LRP1B: variants seen among roughly 807,000 people sequenced by gnomAD.
LRP1B encodes the protein low-density lipoprotein receptor-related protein 1B.
Under a neutral mutation model 556.6 loss-of-function variants are expected in LRP1B, and 217 were observed. The observed-to-expected ratio is 0.39, with a 90% CI of 0.35 to 0.44. The LOEUF (loss-of-function observed/expected upper bound fraction) is 0.44. Ranked by LOEUF, LRP1B falls within the 20% of genes least tolerant of loss-of-function variation. LRP1B has a pLI of 1.00. For synonymous variants in LRP1B, 2,047 were observed against 1,865.8 expected (o/e 1.10, Z -2.50); for missense variants, 5,053 against 5,620.8 (o/e 0.90, Z 3.23).
At chr2:141,265,485 T>C (rs1684851252) in intron 3 of LRP1B, among the ~76,000 whole-genome samples, 1 of 152,182 alleles carries the variant, frequency 6.6e-6, no homozygotes, top group African/African-American at 2.4e-5. Flanking sequence ...ATAAGAGCCT[T>C]GAGGTCTATG....
chr2:140,608,830 C>G (rs522269), intron 41 of LRP1B, among the ~76,000 whole-genome samples: 26 of 127,948 alleles, frequency 2.0e-4, no homozygotes, highest in East Asian at 1.2e-3. Context: ...TGATTTGTTT[C>G]TTTGTTTGTT....
intron 35 of LRP1B, among the ~76,000 whole-genome samples, chr2:140,766,822 AAT>A (rs34690760): frequency 1.4e-4 from 15 of 105,614 alleles, no homozygotes; most frequent in African/African-American, 5.7e-4. Context: ...ATCTTTGTAA[AAT>A]ATATATATAT....
intron 2 of LRP1B, among the ~76,000 whole-genome samples, chr2:141,684,993 G>A (rs550746160): frequency 5.6e-4 from 85 of 152,186 alleles, no homozygotes; most frequent in South Asian, 6.2e-4. Context: ...TGAGGTAGGC[G>A]AGAGCCACGC....
chr2:141,450,844 G>T (rs908009364), intron 3 of LRP1B, among the ~76,000 whole-genome samples: 3 of 152,028 alleles, frequency 2.0e-5, no homozygotes, highest in Non-Finnish European at 4.4e-5. Flanking sequence ...AACTCTAAAA[G>T]TTCAGCACTC....
intron 68 of LRP1B, among the ~76,000 whole-genome samples, chr2:140,373,675 G>A (rs1176783749): frequency 6.6e-6 from 1 of 152,144 alleles, no homozygotes; most frequent in Non-Finnish European, 1.5e-5. Context: ...AAGAGGCTGA[G>A]GCAGGAGGAC....
intron 2 of LRP1B, among the ~76,000 whole-genome samples, chr2:141,554,762 C>G (rs568858075): frequency 1.3e-5 from 2 of 151,944 alleles, no homozygotes; most frequent in African/African-American, 4.8e-5. Flanking sequence ...CTTGAATAGT[C>G]TTTTGTTCCT....
intron 35 of LRP1B, among the ~76,000 whole-genome samples, chr2:140,733,823 G>T (rs1687857546): frequency 6.6e-6 from 1 of 152,076 alleles, no homozygotes; most frequent in South Asian, 2.1e-4. Context: ...ACTCTACTAT[G>T]GATAAATTAT....
intron 1 of LRP1B, among the ~76,000 whole-genome samples, chr2:142,052,075 A>T (rs1704483018): frequency 6.6e-6 from 1 of 152,236 alleles, no homozygotes; most frequent in East Asian, 1.9e-4. Flanking sequence ...ATTTAAAAAT[A>T]TTTGCAGAAA....
intron 35 of LRP1B, among the ~76,000 whole-genome samples, chr2:140,765,414 A>G (rs1689066715): frequency 6.6e-6 from 1 of 152,176 alleles, no homozygotes; most frequent in South Asian, 2.1e-4. Context: ...CTTAGTGAAG[A>G]TCACTTAACT....
At chr2:141,954,485 C>A (rs951248035) in intron 1 of LRP1B, among the ~76,000 whole-genome samples, 1 of 151,964 alleles carries the variant, frequency 6.6e-6, no homozygotes, top group Non-Finnish European at 1.5e-5. Flanking sequence ...GTTTTGTGAA[C>A]CTGCATAAAT....
intron 13 of LRP1B, among the ~76,000 whole-genome samples, chr2:141,014,122 A>G (rs1426415184): frequency 1.3e-5 from 2 of 152,070 alleles, no homozygotes; most frequent in African/African-American, 4.8e-5. Flanking sequence ...TGGGATAGAA[A>G]TCAGTCTGAA....
chr2:140,328,846 T>G (rs189857579), intron 79 of LRP1B, among the ~76,000 whole-genome samples: 3 of 151,960 alleles, frequency 2.0e-5, no homozygotes, highest in Non-Finnish European at 1.5e-5. Flanking sequence ...TTTATGACAG[T>G]GATGGTAAAC....
chr2:141,988,073 G>A (rs753943798), intron 1 of LRP1B, among the ~76,000 whole-genome samples: 1 of 151,730 alleles, frequency 6.6e-6, no homozygotes, highest in Non-Finnish European at 1.5e-5. Context: ...TAAGGGTATA[G>A]AATCAATAAC....
intron 32 of LRP1B, among the ~76,000 whole-genome samples, chr2:140,795,960 A>T (rs1690295128): frequency 6.6e-6 from 1 of 151,956 alleles, no homozygotes; most frequent in Non-Finnish European, 1.5e-5. Flanking sequence ...AATATAAAAC[A>T]CTCTGTTATT....
chr2:140,994,438 G>A (rs570612370), intron 15 of LRP1B, among the ~76,000 whole-genome samples: 1 of 146,434 alleles, frequency 6.8e-6, no homozygotes, highest in South Asian at 2.2e-4. Context: ...TTTCTAAGTC[G>A]AATACATAGA....
At chr2:140,676,513 G>A (rs1231650072) in intron 41 of LRP1B, among the ~76,000 whole-genome samples, 1 of 152,104 alleles carries the variant, frequency 6.6e-6, no homozygotes, top group Non-Finnish European at 1.5e-5. Context: ...TGCAAGGCAT[G>A]CAATCATAAA....
intron 29 of LRP1B, among the ~76,000 whole-genome samples, chr2:140,844,418 C>T (rs1692213825): frequency 6.6e-6 from 1 of 151,920 alleles, no homozygotes; most frequent in African/African-American, 2.4e-5. Flanking sequence ...ATTGAACTTT[C>T]TAATTATCAT....
Position 142,126,608 on chromosome 2 carries a change from G to C in LRP1B, c.82+4040C>G, listed in dbSNP as rs150483486. ...GAAGACAAGTGTTTCCTTTGTACAA[G>C]AATTGTTTTGACAGACAGCCACAGA... On this transcript the variant is annotated intron_variant, in intron 1 of 90. Coordinates refer to ENST00000389484, the MANE Select transcript of LRP1B (RefSeq NM_018557.3). Among the ~76,000 whole-genome samples the C allele has an allele frequency of 6.2e-3, 944 of 151,886 alleles. 13 individuals carry two copies. Among genetic ancestry groups the C allele is most frequent in the African/African-American group, 0.021 (879 of 41,512 alleles).
intron 7 of LRP1B, among the ~76,000 whole-genome samples, chr2:141,140,608 G>A (rs1701626136): frequency 6.6e-6 from 1 of 152,130 alleles, no homozygotes; most frequent in African/African-American, 2.4e-5. Flanking sequence ...AAAAGGCTAT[G>A]TGAGGACACA....
Sources: gnomAD v4.1 joint callset for allele counts (sites outside exome capture counted in the v4.1 genomes callset) on GRCh38, gnomAD v4.1.1 for gene constraint, MANE v1.5 for transcripts, NCBI Gene and HGNC (gene_info 2026-07-23, HGNC 2026-07-21) for gene names.